RLF: variants seen among roughly 807,000 people sequenced by gnomAD.
RLF encodes RLF zinc finger, also known as zinc finger protein Rlf.
A neutral mutation model predicts 162.9 loss-of-function variants in RLF; 7 were observed. That is an observed-to-expected ratio of 0.04 (90% CI 0.02 to 0.08). The LOEUF is 0.08. Among genes scored for constraint, RLF ranks in the 10% least tolerant of loss-of-function variants. The pLI, the probability that RLF is intolerant of heterozygous loss-of-function variation, is 1.00. For missense variants in RLF, 1,664 were observed against 2,244.7 expected (o/e 0.74, Z 5.23); for synonymous variants, 782 against 791.5 (o/e 0.99, Z 0.20).
At position 40,240,061 on chromosome 1, in the gene RLF, T is replaced by G. The variant is rs1226892609; in HGVS notation, c.5359T>G (p.Phe1787Val). 1 of 1,614,116 alleles carries G rather than the reference T, an allele frequency of 6.2e-7. No homozygotes were observed. The highest frequency in any genetic ancestry group is 1.7e-5 in the Admixed American group (1 of 60,016). Residue 1787 changes from phenylalanine to valine, a missense_variant, in exon 8 of 8, where the codon TTT becomes GTT. Physicochemically the swap from Phe to Val is conservative, Grantham distance 50. Around this residue, in one of 15 missense-constraint regions of RLF, gnomAD observed 327 missense variants for 342.7 expected, o/e 0.95. Coordinates refer to ENST00000372771, the MANE Select transcript of RLF (RefSeq NM_012421.4). ...GGAAAGTGAAGAGAAAGAAGATGAT[T>G]TTGATGATTGGGAGCCTTCAGAGCA... is the stretch of plus-strand genomic sequence containing the variant. ...IQESEEKEDD[F>V]DDWEPSEHLT...
At chr1:40,183,316 C>CT (rs1216028652) in intron 1 of RLF, among the ~76,000 whole-genome samples, 1 of 152,196 alleles carries the variant, frequency 6.6e-6, no homozygotes, top group African/African-American at 2.4e-5. Context: ...AAACCCCTCT[C>CT]TATTAGAAAA....
chr1:40,230,492 C>T (rs905962546), intron 6 of RLF, among the ~76,000 whole-genome samples: 4 of 151,916 alleles, frequency 2.6e-5, no homozygotes, highest in African/African-American at 9.7e-5. Flanking sequence ...AGTGCAGTGG[C>T]GCTATCTCAG....
chr1:40,226,937 T>A (rs1643086247), intron 6 of RLF, among the ~76,000 whole-genome samples: 1 of 152,226 alleles, frequency 6.6e-6, no homozygotes, highest in African/African-American at 2.4e-5. Flanking sequence ...CAGTCTCAGC[T>A]CACTGCAACC....
Position 40,238,990 on chromosome 1 carries a change from G to C in RLF, c.4288G>C (p.Glu1430Gln). 6.2e-7 allele frequency: 1 copy of C among 1,614,154 alleles called. No homozygotes were observed. The highest frequency in any genetic ancestry group is 8.5e-7 in the Non-Finnish European group (1 of 1,180,016). Residue 1430 changes from glutamate (E) to glutamine (Q), a missense_variant, in exon 8 of 8, where the codon GAA becomes CAA. Glu to Gln is a conservative substitution (Grantham distance 29, BLOSUM62 2). This residue lies in a region of RLF where 200 missense variants were observed against 207.3 expected (regional missense o/e 0.96). Coordinates refer to ENST00000372771, the MANE Select transcript of RLF (RefSeq NM_012421.4). This position sits in a 1 kb window ranked among gnomAD's most constrained non-coding sequence, Gnocchi z 5.2. ...CAACAAGTTGAAGCACCACTTGATG[G>C]AACAGCATAATATTGAAGGGGAAAT... ...TFNKLKHHLM[E>Q]QHNIEGEIHS...
chr1:40,188,154 A>G (rs901929697), intron 1 of RLF, among the ~76,000 whole-genome samples: 8 of 152,234 alleles, frequency 5.3e-5, no homozygotes, highest in African/African-American at 1.7e-4. Context: ...GAAGGAAGAT[A>G]TATATGAACA....
At chr1:40,228,560 G>A (rs1643109846) in intron 6 of RLF, among the ~76,000 whole-genome samples, 1 of 151,008 alleles carries the variant, frequency 6.6e-6, no homozygotes, top group Admixed American at 6.6e-5. Context: ...TGCAGCCTGG[G>A]CGACAGCGTG....
intron 6 of RLF, among the ~76,000 whole-genome samples, chr1:40,225,578 C>CAAAAAAAAAAAAAAA (rs537934926): frequency 1.4e-4 from 12 of 83,058 alleles, no homozygotes; most frequent in African/African-American, 5.9e-4. Context: ...GACTCTGTCT[C>CAAAAAAAAAAAAAAA]AAAAAAAAAA....
chr1:40,239,578 A>G lies in RLF; in HGVS notation c.4876A>G (p.Ser1626Gly). 6.2e-7 allele frequency: 1 copy of G among 1,614,182 alleles called. No homozygotes were observed. Among genetic ancestry groups the G allele is most frequent in the Non-Finnish European group, 8.5e-7 (1 of 1,180,040 alleles). The part of the protein sequence containing the change: ...RSCESERTEH[S>G]HSPGDSSAPI... ...CTGTGAATCAGAGCGCACAGAACAC[A>G]GCCATTCCCCGGGTGACAGTAGTGC... is the stretch of plus-strand genomic sequence containing the variant. Residue 1626 changes from serine to glycine, a missense_variant, in exon 8 of 8, where the codon AGC (serine) becomes GGC (glycine). Physicochemically the swap from Ser to Gly is moderately conservative, Grantham distance 56. Transcript: ENST00000372771.
chr1:40,225,549 A>T (rs1445757493), intron 6 of RLF, among the ~76,000 whole-genome samples: 1 of 140,274 alleles, frequency 7.1e-6, no homozygotes, highest in Non-Finnish European at 1.5e-5. Flanking sequence ...ACTGCACTGC[A>T]GCCTGGGTGA....
At chr1:40,208,951 CT>C in intron 5 of RLF, among the ~76,000 whole-genome samples, 1 of 152,172 alleles carries the variant, frequency 6.6e-6, no homozygotes, top group Admixed American at 6.5e-5. Flanking sequence ...CTCTGCTTTG[CT>C]TTTATACATA....
intron 1 of RLF, among the ~76,000 whole-genome samples, chr1:40,185,955 G>A (rs796906849): frequency 1.1e-4 from 16 of 150,894 alleles, no homozygotes; most frequent in Admixed American, 4.0e-4. Context: ...TCAAGAGTTC[G>A]AGACCAGCCT....
chr1:40,225,832 G>A (rs944811109), intron 6 of RLF, among the ~76,000 whole-genome samples: 2 of 147,290 alleles, frequency 1.4e-5, no homozygotes, highest in Admixed American at 6.8e-5. Context: ...AGCCGAGATC[G>A]GGCGCCATTG....
intron 4 of RLF, among the ~76,000 whole-genome samples, chr1:40,201,165 C>T (rs1162239270): frequency 1.4e-5 from 2 of 144,334 alleles, no homozygotes; most frequent in African/African-American, 5.1e-5. Flanking sequence ...TAATAAGCTC[C>T]CTAGGTGATC....
At chr1:40,182,840 CA>C (rs1333843821) in intron 1 of RLF, among the ~76,000 whole-genome samples, 1 of 151,944 alleles carries the variant, frequency 6.6e-6, no homozygotes, top group Admixed American at 6.6e-5. Context: ...CACCTATAAC[CA>C]ATATAGAAAA....
At position 40,238,344 on chromosome 1, in the gene RLF, T is replaced by C. The variant is rs767903017; in HGVS notation, c.3642T>C (p.His1214=). The C allele has an allele frequency of 1.2e-6, 2 of 1,614,164 alleles. No homozygotes were observed. Among genetic ancestry groups the C allele is most frequent in the Admixed American group, 1.7e-5 (1 of 60,028 alleles). ...HKLLDNEKCD[H]EGPCSVDRLK... is the part of the protein sequence containing the mutation. ...TATTAGATAATGAAAAGTGTGATCA[T>C]GAAGGCCCATGTTCAGTAGATAGGT... The change falls in exon 8 of 8, where the codon CAT becomes CAC. Residue 1214 remains histidine (H), a synonymous_variant. Transcript: ENST00000372771. The surrounding 1 kb of genome is among the most constrained non-coding windows in gnomAD (Gnocchi z 5.2).
chr1:40,233,511 A>G (rs967565813), intron 7 of RLF, among the ~76,000 whole-genome samples: 1 of 152,076 alleles, frequency 6.6e-6, no homozygotes, highest in Non-Finnish European at 1.5e-5. Flanking sequence ...CTTACTTACA[A>G]ATGATAAACT....
At chr1:40,194,348 C>A (rs1269060427) in intron 3 of RLF, among the ~76,000 whole-genome samples, 1 of 152,004 alleles carries the variant, frequency 6.6e-6, no homozygotes, top group African/African-American at 2.4e-5. Context: ...CAATGGCTTT[C>A]AAATAATTAA....
rs1256174597 is a variant in RLF, at chr1:40,195,771, C to T, written c.607+7C>T. 5 of 1,609,188 alleles carry T rather than the reference C, an allele frequency of 3.1e-6. No homozygotes were observed. Among genetic ancestry groups the T allele is most frequent in the African/African-American group, 1.3e-5 (1 of 74,684 alleles). ...CCAGTAGAAACGGAGGAAGGTAAGT[C>T]TTAAGACTATATTGGATGAGGATTT... On this transcript the variant is annotated splice_region_variant and intron_variant, in intron 4 of 7. Coordinates refer to ENST00000372771, the MANE Select transcript of RLF (RefSeq NM_012421.4).
At chr1:40,162,278 G>C in intron 1 of RLF, among the ~76,000 whole-genome samples, 1 of 151,696 alleles carries the variant, frequency 6.6e-6, no homozygotes, top group Non-Finnish European at 1.5e-5. Flanking sequence ...TCTTTGAGTA[G>C]AAGAGGATGG....
Sources: allele counts gnomAD v4.1 joint callset (sites outside exome capture counted in the v4.1 genomes callset), GRCh38; gene constraint gnomAD v4.1.1; regional missense constraint gnomAD v4.1.1; non-coding constraint Gnocchi (gnomAD v3.1); transcripts MANE v1.5; gene names NCBI Gene and HGNC (gene_info 2026-07-23, HGNC 2026-07-21).